The following RGS7 variants were observed in gnomAD, a reference collection of about 807,000 sequenced individuals.
RGS7 encodes regulator of G protein signaling 7, also known as regulator of G-protein signaling 7.
RGS7 carries 27 observed loss-of-function variants against 81.1 expected under a neutral mutation model. That is an observed-to-expected ratio of 0.33 (90% CI 0.25 to 0.46). The LOEUF (loss-of-function observed/expected upper bound fraction) is 0.46, where lower values mean the gene tolerates loss of function less well. Among genes scored for constraint, RGS7 ranks in the 20% least tolerant of loss-of-function variants. RGS7 has a pLI of 1.00. For missense variants in RGS7, 396 were observed against 607.4 expected, an observed-to-expected ratio of 0.65 and a Z score of 3.66; for synonymous variants, 208 against 207.7, an observed-to-expected ratio of 1.00 and a Z score of -0.01.
intron 2 of RGS7, among the ~76,000 whole-genome samples, chr1:241,114,053 C>A (rs1354352920): frequency 6.6e-6 from 1 of 152,136 alleles, no homozygotes; most frequent in African/African-American, 2.4e-5. Flanking sequence ...TTTTGGGAAA[C>A]TGAGTATACA....
intron 3 of RGS7, among the ~76,000 whole-genome samples, chr1:241,097,903 T>C (rs966155531): frequency 2.0e-5 from 3 of 152,162 alleles, no homozygotes; most frequent in African/African-American, 7.2e-5. Flanking sequence ...ATGAAATCCA[T>C]TGGGCTATGT....
intron 6 of RGS7, among the ~76,000 whole-genome samples, chr1:240,895,134 T>A (rs145294736): frequency 2.2e-3 from 329 of 152,228 alleles, no homozygotes; most frequent in Non-Finnish European, 1.6e-3. Flanking sequence ...GTGACATGCT[T>A]GTTCTCTTTT....
intron 2 of RGS7, among the ~76,000 whole-genome samples, chr1:241,134,380 A>G (rs1216353662): frequency 6.6e-6 from 1 of 152,242 alleles, no homozygotes; most frequent in Non-Finnish European, 1.5e-5. Flanking sequence ...CTAGACTATT[A>G]GCCTGAACTC....
intron 4 of RGS7, among the ~76,000 whole-genome samples, chr1:240,966,677 A>G (rs1446022425): frequency 6.6e-6 from 1 of 152,158 alleles, no homozygotes; most frequent in Non-Finnish European, 1.5e-5. Flanking sequence ...GCTTTTACTT[A>G]GAGAAAAAAT....
chr1:241,283,821 T>G (rs1434552422), intron 2 of RGS7, among the ~76,000 whole-genome samples: 2 of 152,202 alleles, frequency 1.3e-5, no homozygotes, highest in African/African-American at 4.8e-5. Context: ...TCAGTCTATT[T>G]CCTATTTTTC....
chr1:241,203,041 C>T (rs1302630597), intron 2 of RGS7, among the ~76,000 whole-genome samples: 1 of 152,080 alleles, frequency 6.6e-6, no homozygotes, highest in Non-Finnish European at 1.5e-5. Flanking sequence ...AATCTAGCAG[C>T]TCTTGAGGGG....
chr1:241,134,250 C>G (rs1195507008), intron 2 of RGS7, among the ~76,000 whole-genome samples: 1 of 152,174 alleles, frequency 6.6e-6, no homozygotes, highest in African/African-American at 2.4e-5. Context: ...CAAGATCTGT[C>G]GGGCAGTGCT....
At chr1:241,021,752 A>G (rs558701322) in intron 3 of RGS7, among the ~76,000 whole-genome samples, 1 of 152,326 alleles carries the variant, frequency 6.6e-6, no homozygotes, top group East Asian at 1.9e-4. Context: ...GTAATATACC[A>G]CTTTCGTACC....
At chr1:241,219,542 G>A (rs1357762861) in intron 2 of RGS7, among the ~76,000 whole-genome samples, 1 of 152,120 alleles carries the variant, frequency 6.6e-6, no homozygotes, top group Non-Finnish European at 1.5e-5. Flanking sequence ...CCAGTTACCC[G>A]AGTCACAGTC....
rs75673640 is a variant in RGS7, at chr1:240,953,955, A to G, written c.227-17249T>C. Among the ~76,000 whole-genome samples the G allele has an allele frequency of 3.5e-4, 54 of 152,168 alleles. 1 individual carries two copies. The East Asian group carries it at 0.01, about 29-fold the overall frequency. On this transcript the variant is annotated intron_variant, in intron 4 of 18. Transcript: ENST00000440928. Reference sequence around the variant, plus strand: ...GATCCATAGAATTAAAAGATAATAAAGGAACACTATGAGCAATACTATGCC... The same window carrying G: ...GATCCATAGAATTAAAAGATAATAAGGGAACACTATGAGCAATACTATGCC...
intron 2 of RGS7, among the ~76,000 whole-genome samples, chr1:241,347,854 A>C (rs2083000303): frequency 6.6e-6 from 1 of 152,176 alleles, no homozygotes; most frequent in Non-Finnish European, 1.5e-5. Context: ...TTCCCTTACG[A>C]GGCCATGGTC....
At chr1:240,883,346 T>A (rs1000182601) in intron 6 of RGS7, among the ~76,000 whole-genome samples, 39 of 152,172 alleles carry the variant, frequency 2.6e-4, no homozygotes, top group African/African-American at 8.9e-4. Context: ...TAAAAATTTT[T>A]TAAAAAAACA....
In RGS7 at chr1:241,067,655, G is replaced by A. The variant is rs570514761; in HGVS notation, c.175+31011C>T. Among the ~76,000 whole-genome samples, 11 of 152,028 alleles carry A rather than the reference G, an allele frequency of 7.2e-5. No homozygotes were observed. The South Asian group carries it at 1.9e-3, about 26-fold the overall frequency. On this transcript the variant is annotated intron_variant, in intron 3 of 18. Transcript: ENST00000440928. The stretch of plus-strand genomic sequence containing the variant: ...CTGCCTCAGCCTCCTGACTAGCTGG[G>A]ACTACAGGTGTGTGCCACCCCAGCT...
chr1:240,995,428 T>C (rs1166427961), intron 3 of RGS7, among the ~76,000 whole-genome samples: 5 of 152,186 alleles, frequency 3.3e-5, no homozygotes, highest in Non-Finnish European at 7.4e-5. Flanking sequence ...TAAAGTCTGG[T>C]AGACTTTTCC....
chr1:241,025,730 TAAGA>T, intron 3 of RGS7, among the ~76,000 whole-genome samples: 1 of 151,888 alleles, frequency 6.6e-6, no homozygotes, highest in Middle Eastern at 3.4e-3. Flanking sequence ...TTACAGTTCA[TAAGA>T]ACAAAGCTAT....
chr1:240,934,635 C>T (rs1477417946), intron 5 of RGS7, among the ~76,000 whole-genome samples: 2 of 152,002 alleles, frequency 1.3e-5, no homozygotes, highest in East Asian at 3.9e-4. Flanking sequence ...ATGGATGCAT[C>T]ATTAAAATAT....
At chr1:241,039,845 C>G (rs1012812006) in intron 3 of RGS7, among the ~76,000 whole-genome samples, 1 of 152,146 alleles carries the variant, frequency 6.6e-6, no homozygotes, top group African/African-American at 2.4e-5. Flanking sequence ...CTTGGAGAAC[C>G]GACTTGCTGT....
chr1:241,215,950 C>T (rs764715130), intron 2 of RGS7, among the ~76,000 whole-genome samples: 2 of 152,156 alleles, frequency 1.3e-5, no homozygotes, highest in Non-Finnish European at 2.9e-5. Flanking sequence ...AATAGACAAA[C>T]CTCACTGAAC....
intron 10 of RGS7, among the ~76,000 whole-genome samples, chr1:240,826,749 A>G (rs761900746): frequency 2.0e-5 from 3 of 151,174 alleles, no homozygotes; most frequent in Non-Finnish European, 2.9e-5. Flanking sequence ...ACAAAATTCT[A>G]GTGTTAAGAG....
Sources: allele counts gnomAD v4.1 joint callset (sites outside exome capture counted in the v4.1 genomes callset), GRCh38; gene constraint gnomAD v4.1.1; transcripts MANE v1.5; gene names NCBI Gene and HGNC (gene_info 2026-07-23, HGNC 2026-07-21).